GSG1L: variants seen among roughly 807,000 people sequenced by gnomAD.
GSG1L encodes germ cell-specific gene 1-like protein.
GSG1L carries 24 observed loss-of-function variants against 42.1 expected under a neutral mutation model. The observed-to-expected ratio is 0.57, with a 90% CI of 0.41 to 0.80. The LOEUF (loss-of-function observed/expected upper bound fraction) is 0.80, where lower values mean the gene tolerates loss of function less well. Among genes scored for constraint, GSG1L ranks in the 30% least tolerant of loss-of-function variants. GSG1L has a pLI of 0.00. For synonymous variants in GSG1L, 215 were observed against 203.5 expected (o/e 1.06, Z -0.48); for missense variants, 445 against 472.2 (o/e 0.94, Z 0.53).
chr16:27,839,587 G>A lies in GSG1L; in HGVS notation c.662+5363C>T, dbSNP rs60073943. 7.4e-3 allele frequency among the ~76,000 whole-genome samples: 1,133 copies of A among 152,300 alleles called. 14 individuals carry two copies. Among genetic ancestry groups the A allele is most frequent in the African/African-American group, 0.026 (1,081 of 41,558 alleles). ...GCAGATGATGACTAAGTGTGGAAGC[G>A]TGGGTAAATGTAAGGCAATAGGGTG... On this transcript the variant is annotated intron_variant, in intron 4 of 6. Transcript: ENST00000447459.
Position 27,789,875 on chromosome 16 carries a change from TTGA to T in GSG1L, c.*1492_*1494del, listed in dbSNP as rs1419018970. On this transcript the variant is annotated 3_prime_UTR_variant, in exon 7 of 7. Transcript: ENST00000447459. ...TGGATGGATGATGAAGGATGGATGG[TTGA>T]TGGACTATAGATGGATAATAGATGA... The T allele has an allele frequency of 6.8e-6, 1 of 146,250 alleles. No homozygotes were observed. The highest frequency in any genetic ancestry group is 1.5e-5 in the Non-Finnish European group (1 of 66,686). 9.1% of individuals were successfully genotyped at this position (146,250 alleles called of 1,614,324 possible).
intron 2 of GSG1L, among the ~76,000 whole-genome samples, chr16:27,947,532 AGAATGAAG>A (rs1360186021): frequency 5.9e-4 from 70 of 119,600 alleles, no homozygotes; most frequent in African/African-American, 2.2e-3. Context: ...AAAGAAAGAA[AGAATGAAG>A]GAAAGAAAGA....
At chr16:28,035,763 T>C (rs894921810) in intron 1 of GSG1L, among the ~76,000 whole-genome samples, 2 of 152,154 alleles carry the variant, frequency 1.3e-5, no homozygotes, top group Admixed American at 1.3e-4. Context: ...AGATGGAAAG[T>C]CTGAGCTCCT....
chr16:27,953,410 G>T (rs117807799), intron 2 of GSG1L, among the ~76,000 whole-genome samples: 2,395 of 152,146 alleles, frequency 0.016, 29 homozygotes, highest in Non-Finnish European at 0.024. Flanking sequence ...CATTTTCGTT[G>T]CTCTATAGTT....
chr16:27,918,726 C>T (rs556308677), intron 2 of GSG1L, among the ~76,000 whole-genome samples: 5 of 151,742 alleles, frequency 3.3e-5, no homozygotes, highest in Admixed American at 1.3e-4. Flanking sequence ...GAGGAGGCTG[C>T]GAAGATCCAA....
rs190909947 is a variant in GSG1L at position 28,053,945 on chromosome 16, G to T, written c.349+9131C>A. ...TGTGTCTCTGTCTCTCTCCTCGCTC[G>T]CTCCCTCTGTATGTGTCTGCCTTTC... On this transcript the variant is annotated intron_variant, in intron 1 of 6. Coordinates refer to ENST00000447459, the MANE Select transcript of GSG1L (RefSeq NM_001109763.2). Among the ~76,000 whole-genome samples the T allele has an allele frequency of 1.2e-3, 176 of 151,998 alleles. 1 individual carries two copies. The highest frequency in any genetic ancestry group is 0.01 in the Middle Eastern group (3 of 290).
In GSG1L at chr16:27,807,643, T is replaced by C. The variant is rs76851000; in HGVS notation, c.831-89A>G. ...ACCCAAAACCTGAAAAAGTGCAATCTTCCCCCCTCTGGAGAATATTTTGCA... is the reference window on the plus strand; with the variant it reads ...ACCCAAAACCTGAAAAAGTGCAATCCTCCCCCCTCTGGAGAATATTTTGCA... On this transcript the variant is annotated intron_variant, in intron 5 of 6. Coordinates refer to ENST00000447459, the MANE Select transcript of GSG1L (RefSeq NM_001109763.2). 15 of 1,044,802 alleles carry C rather than the reference T, an allele frequency of 1.4e-5. No individual in the cohort carries two copies. The East Asian group carries it at 2.5e-4, about 18-fold the overall frequency. 64.7% of individuals were successfully genotyped at this position (1,044,802 alleles called of 1,614,324 possible).
chr16:27,797,681 G>A (rs1449697344), intron 6 of GSG1L, among the ~76,000 whole-genome samples: 1 of 151,478 alleles, frequency 6.6e-6, no homozygotes, highest in Non-Finnish European at 1.5e-5. Context: ...AATTAGCCAG[G>A]CATGGTGGTG....
intron 4 of GSG1L, among the ~76,000 whole-genome samples, chr16:27,840,544 C>A (rs1156448967): frequency 6.6e-6 from 1 of 152,110 alleles, no homozygotes; most frequent in Non-Finnish European, 1.5e-5. Context: ...TCGCACTCAC[C>A]GAGCAAACTC....
At chr16:27,813,207 A>C (rs1240187280) in intron 5 of GSG1L, among the ~76,000 whole-genome samples, 1 of 152,138 alleles carries the variant, frequency 6.6e-6, no homozygotes, top group Non-Finnish European at 1.5e-5. Flanking sequence ...TGAGCATAGA[A>C]CCCGATAGAT....
chr16:27,810,685 T>G (rs1452436841), intron 5 of GSG1L, among the ~76,000 whole-genome samples: 3 of 152,108 alleles, frequency 2.0e-5, no homozygotes, highest in African/African-American at 7.2e-5. Flanking sequence ...GTCTTTTTTT[T>G]TAAGTTTTTC....
chr16:27,855,501 C>T (rs2083566622), intron 3 of GSG1L, among the ~76,000 whole-genome samples: 2 of 152,026 alleles, frequency 1.3e-5, no homozygotes, highest in Admixed American at 6.6e-5. Context: ...GCATGGATCA[C>T]CTGAGGTCAG....
At chr16:27,830,220 G>A (rs897670446) in intron 4 of GSG1L, among the ~76,000 whole-genome samples, 2 of 152,188 alleles carry the variant, frequency 1.3e-5, no homozygotes, top group Admixed American at 6.5e-5. Context: ...CTGGATCCCT[G>A]TTCTTCAGTC....
intron 1 of GSG1L, among the ~76,000 whole-genome samples, chr16:28,062,684 T>C (rs1442314564): frequency 6.6e-6 from 1 of 151,924 alleles, no homozygotes; most frequent in East Asian, 1.9e-4. Flanking sequence ...GGTGGGGGCA[T>C]CTAGTGCCCC....
chr16:28,025,746 T>C (rs1327391147), intron 1 of GSG1L, among the ~76,000 whole-genome samples: 1 of 152,174 alleles, frequency 6.6e-6, no homozygotes, highest in Non-Finnish European at 1.5e-5. Flanking sequence ...TCTTTTATAA[T>C]TGGGACTGGC....
chr16:27,942,084 A>C (rs2084803936), intron 2 of GSG1L, among the ~76,000 whole-genome samples: 1 of 152,078 alleles, frequency 6.6e-6, no homozygotes, highest in South Asian at 2.1e-4. Context: ...ACACTTAAAA[A>C]TGGTTAAAAT....
At position 28,029,123 on chromosome 16, in the gene GSG1L, A is replaced by C. The variant is rs540580107; in HGVS notation, c.349+33953T>G. Among the ~76,000 whole-genome samples, 3 of 152,330 alleles carry C rather than the reference A, an allele frequency of 2.0e-5. No homozygotes were observed. The East Asian group carries it at 5.8e-4, about 29-fold the overall frequency. ...ACTGTGGTCAAGGTAAGGGTCCTTG[A>C]GCTGTTCCCTGCCTTCTCTGGGCCT... On this transcript the variant is annotated intron_variant, in intron 1 of 6. Coordinates refer to ENST00000447459, the MANE Select transcript of GSG1L (RefSeq NM_001109763.2).
At chr16:28,006,950 A>G (rs950755675) in intron 1 of GSG1L, among the ~76,000 whole-genome samples, 1 of 152,120 alleles carries the variant, frequency 6.6e-6, no homozygotes. Context: ...AAAGCAGACA[A>G]AAAAAGCCAG....
chr16:27,950,190 C>A (rs1023080082), intron 2 of GSG1L, among the ~76,000 whole-genome samples: 6 of 152,162 alleles, frequency 3.9e-5, no homozygotes, highest in Non-Finnish European at 7.4e-5. Context: ...GCTAAGACCA[C>A]AGAGCCATTT....
Sources: allele counts gnomAD v4.1 joint callset (sites outside exome capture counted in the v4.1 genomes callset), GRCh38; gene constraint gnomAD v4.1.1; transcripts MANE v1.5; gene names NCBI Gene and HGNC (gene_info 2026-07-23, HGNC 2026-07-21).